TRPS1: variants seen among roughly 807,000 people sequenced by gnomAD.
The protein encoded by TRPS1 is zinc finger transcription factor Trps1.
TRPS1 carries 6 observed loss-of-function variants against 101.2 expected under a neutral mutation model. The ratio of observed to expected loss-of-function variants is 0.06; its 90% CI spans 0.03 to 0.12. The LOEUF is 0.12. Among genes scored for constraint, TRPS1 ranks in the 10% least tolerant of loss-of-function variants. The pLI is 1.00. For missense variants in TRPS1, 1,363 were observed against 1,567.0 expected (o/e 0.87, Z 2.20); for synonymous variants, 578 against 589.8 (o/e 0.98, Z 0.29).
In TRPS1 at chr8:115,571,530, G is replaced by A. The variant is rs980378210; in HGVS notation, c.2700+15471C>T. Among the ~76,000 whole-genome samples, 63 of 152,036 alleles carry A rather than the reference G, an allele frequency of 4.1e-4. 1 individual carries two copies. The highest frequency in any genetic ancestry group is 3.6e-3 in the Admixed American group (55 of 15,256). On this transcript the variant is annotated intron_variant, in intron 5 of 6. Transcript: ENST00000395715. The stretch of plus-strand genomic sequence containing the variant: ...ACCCCCTACCAATATCCCAGGGATC[G>A]TAGGAATTTTAAACAAAAGGGAAAG...
chr8:115,494,753 C>A (rs532810325), intron 5 of TRPS1, among the ~76,000 whole-genome samples: 50 of 152,242 alleles, frequency 3.3e-4, no homozygotes, highest in African/African-American at 1.2e-3. Flanking sequence ...TGACCTAAAT[C>A]ATTCTAATTA....
At chr8:115,646,162 G>A (rs940481286) in intron 1 of TRPS1, among the ~76,000 whole-genome samples, 18 of 152,032 alleles carry the variant, frequency 1.2e-4, no homozygotes, top group African/African-American at 2.7e-4. Flanking sequence ...ATATTCAATC[G>A]TTTGACATTC....
chr8:115,659,808 A>G (rs1811753534), intron 1 of TRPS1, among the ~76,000 whole-genome samples: 1 of 151,958 alleles, frequency 6.6e-6, no homozygotes, highest in Non-Finnish European at 1.5e-5. Flanking sequence ...CTCATTTCAG[A>G]ACCAAAATTA....
chr8:115,534,448 A>C (rs1405281378), intron 5 of TRPS1, among the ~76,000 whole-genome samples: 1 of 152,090 alleles, frequency 6.6e-6, no homozygotes, highest in African/African-American at 2.4e-5. Context: ...TGGAGATTGA[A>C]GCTCTAACCC....
intron 5 of TRPS1, among the ~76,000 whole-genome samples, chr8:115,499,959 C>CTTTTCT (rs1554578306): frequency 5.0e-5 from 3 of 59,988 alleles, no homozygotes; most frequent in Admixed American, 1.7e-4. Context: ...TTCTTTCTTT[C>CTTTTCT]TTTCTTTTCT....
At chr8:115,423,003 G>T (rs1813105077) in intron 5 of TRPS1, among the ~76,000 whole-genome samples, 1 of 152,106 alleles carries the variant, frequency 6.6e-6, no homozygotes, top group Admixed American at 6.5e-5. Context: ...TCAGACTGAG[G>T]GAAGACTGCT....
At chr8:115,509,258 G>A (rs1052874082) in intron 5 of TRPS1, among the ~76,000 whole-genome samples, 1 of 151,958 alleles carries the variant, frequency 6.6e-6, no homozygotes, top group African/African-American at 2.4e-5. Flanking sequence ...ACCTATTCCA[G>A]GCAAAGCTGG....
chr8:115,538,234 C>T (rs1359965414), intron 5 of TRPS1, among the ~76,000 whole-genome samples: 1 of 152,176 alleles, frequency 6.6e-6, no homozygotes, highest in Non-Finnish European at 1.5e-5. Flanking sequence ...CACTTAATTA[C>T]AAGTCTTGTT....
At chr8:115,497,442 C>A (rs1263771637) in intron 5 of TRPS1, among the ~76,000 whole-genome samples, 1 of 152,156 alleles carries the variant, frequency 6.6e-6, no homozygotes, top group Non-Finnish European at 1.5e-5. Flanking sequence ...CAGACTGGTA[C>A]GGGTCCATGG....
At chr8:115,535,025 G>A (rs1257558335) in intron 5 of TRPS1, among the ~76,000 whole-genome samples, 4 of 147,260 alleles carry the variant, frequency 2.7e-5, no homozygotes, top group Non-Finnish European at 4.5e-5. Flanking sequence ...ATATATATAA[G>A]CATATATATA....
chr8:115,511,076 C>A (rs1019810396), intron 5 of TRPS1: 3 of 151,778 alleles, frequency 2.0e-5, no homozygotes, highest in Non-Finnish European at 4.4e-5. Flanking sequence ...GTATACACGT[C>A]AAGAACTTAA....
chr8:115,459,025 G>A (rs1025049521), intron 5 of TRPS1, among the ~76,000 whole-genome samples: 2 of 151,992 alleles, frequency 1.3e-5, no homozygotes, highest in East Asian at 1.9e-4. Flanking sequence ...TTTTGTTCAC[G>A]TCTTGGAGGT....
chr8:115,544,663 C>T (rs1816530065), intron 5 of TRPS1, among the ~76,000 whole-genome samples: 1 of 151,874 alleles, frequency 6.6e-6, no homozygotes, highest in Non-Finnish European at 1.5e-5. Flanking sequence ...TCAAACACAA[C>T]CATTTTTGCC....
At chr8:115,466,665 C>T (rs530313442) in intron 5 of TRPS1, among the ~76,000 whole-genome samples, 11 of 151,978 alleles carry the variant, frequency 7.2e-5, no homozygotes, top group East Asian at 5.8e-4. Context: ...AGAAGGGGGG[C>T]GGGGCAAAGA....
At chr8:115,633,059 T>G (rs1429404651) in intron 1 of TRPS1, among the ~76,000 whole-genome samples, 1 of 152,076 alleles carries the variant, frequency 6.6e-6, no homozygotes, top group South Asian at 2.1e-4. Context: ...AGAGAAACCT[T>G]TGAGCTGCGA....
chr8:115,604,616 A>C lies in TRPS1; in HGVS notation c.1353T>G (p.Phe451Leu). Residue 451 changes from phenylalanine to leucine, a missense_variant, in exon 4 of 7, where the codon TTT (phenylalanine) becomes TTG (leucine). Transcript: ENST00000395715. The surrounding 1 kb of genome is among the most constrained non-coding windows in gnomAD (Gnocchi z 4.1). The part of the protein sequence containing the change: ...TEATSYYWCK[F>L]CSFSCESSSS... Reference sequence around the variant, plus strand: ...TAGATGACTCACAGCTGAAACTACAAAATTTACACCAGTAGTAACTGGTGG... The same window carrying C: ...TAGATGACTCACAGCTGAAACTACACAATTTACACCAGTAGTAACTGGTGG... 2 of 1,614,036 alleles carry C rather than the reference A, an allele frequency of 1.2e-6. No individual in the cohort carries two copies. The highest frequency in any genetic ancestry group is 1.7e-6 in the Non-Finnish European group (2 of 1,179,998).
chr8:115,581,745 C>G (rs1817457281), intron 5 of TRPS1, among the ~76,000 whole-genome samples: 1 of 152,092 alleles, frequency 6.6e-6, no homozygotes, highest in African/African-American at 2.4e-5. Flanking sequence ...AGCTACTTCA[C>G]TTTTACACGG....
At chr8:115,445,186 T>C (rs1344559262) in intron 5 of TRPS1, among the ~76,000 whole-genome samples, 4 of 152,124 alleles carry the variant, frequency 2.6e-5, no homozygotes, top group African/African-American at 9.7e-5. Context: ...TCTCCCCTCC[T>C]CTCAACTGTC....
At chr8:115,621,251 G>A (rs1818386524) in intron 2 of TRPS1, among the ~76,000 whole-genome samples, 1 of 152,174 alleles carries the variant, frequency 6.6e-6, no homozygotes, top group Admixed American at 6.5e-5. Flanking sequence ...GTCGAGTGCT[G>A]TGTAAGTCAT....
Sources: allele counts gnomAD v4.1 joint callset (sites outside exome capture counted in the v4.1 genomes callset), GRCh38; gene constraint gnomAD v4.1.1; non-coding constraint Gnocchi (gnomAD v3.1); transcripts MANE v1.5; gene names NCBI Gene and HGNC (gene_info 2026-07-23, HGNC 2026-07-21).